Variants in RNF17 observed in about 807,000 individuals in gnomAD.
RNF17 encodes the protein spermatogenesis associated 23.
In RNF17, 31 loss-of-function variants were observed where a neutral mutation model predicts 200.5. That is an observed-to-expected ratio of 0.15 (90% CI 0.12 to 0.21). The LOEUF (loss-of-function observed/expected upper bound fraction) is 0.21, where lower values mean the gene tolerates loss of function less well. Ranked by LOEUF, RNF17 falls within the 10% of genes least tolerant of loss-of-function variation. RNF17 has a pLI of 1.00. For synonymous variants in RNF17, 606 were observed against 637.8 expected, an observed-to-expected ratio of 0.95 and a Z score of 0.75; for missense variants, 1,628 against 1,905.1, an observed-to-expected ratio of 0.85 and a Z score of 2.71.
intron 2 of RNF17, among the ~76,000 whole-genome samples, chr13:24,768,729 A>G (rs975567980): frequency 6.6e-6 from 1 of 151,910 alleles, no homozygotes; most frequent in African/African-American, 2.4e-5. Flanking sequence ...GGGTTTCCTC[A>G]TTTGTGAGAT....
At chr13:24,754,583 C>T in the RNF17 span, among the ~76,000 whole-genome samples, 3 of 152,126 alleles carry the variant, frequency 2.0e-5, no homozygotes, top group African/African-American at 7.2e-5. Flanking sequence ...TTCCTACCCA[C>T]GAATGTATTA....
chr13:24,884,393 G>A, downstream of RNF17: 1 of 1,613,932 alleles, frequency 6.2e-7, no homozygotes, highest in Non-Finnish European at 8.5e-7. Context: ...CTTCCCATCT[G>A]CACTCACTTC....
intron 2 of RNF17, among the ~76,000 whole-genome samples, chr13:24,770,733 A>G (rs541839979): frequency 3.1e-4 from 47 of 152,346 alleles, no homozygotes; most frequent in Admixed American, 2.2e-3. Flanking sequence ...ATGGGAGACT[A>G]TAACAATTAG....
the RNF17 span, among the ~76,000 whole-genome samples, chr13:24,758,871 TC>T: frequency 9.2e-5 from 14 of 151,870 alleles, no homozygotes; most frequent in South Asian, 2.1e-4. Flanking sequence ...GGTCAGGAGA[TC>T]CAAGACCATC....
At chr13:24,825,842 C>T (rs1888568208) in intron 16 of RNF17, 70 bp downstream of exon 16, 2 of 1,488,454 alleles carry the variant, frequency 1.3e-6, no homozygotes, top group South Asian at 1.3e-5. Context: ...GAGTTGGTAC[C>T]AATTCAATCT....
At chr13:24,765,052 GT>G (rs1879445780) in intron 1 of RNF17, among the ~76,000 whole-genome samples, 1 of 152,138 alleles carries the variant, frequency 6.6e-6, no homozygotes, top group Admixed American at 6.5e-5. Flanking sequence ...GTCTCGCTCT[GT>G]AGCCCAGGCT....
chr13:24,866,327 T>G, intron 30 of RNF17, 124 bp downstream of exon 30: 1 of 562,424 alleles, frequency 1.8e-6, no homozygotes, highest in Non-Finnish European at 3.2e-6. Context: ...ATTTACCTAT[T>G]GAATATACAG....
At chr13:24,881,104 C>G (rs988638963), downstream of RNF17, among the ~76,000 whole-genome samples, 36 of 151,964 alleles carry the variant, frequency 2.4e-4, no homozygotes, top group Non-Finnish European at 8.8e-5. Context: ...TTGCCTTTCC[C>G]CTGTTTTGTA....
intron 14 of RNF17, among the ~76,000 whole-genome samples, chr13:24,803,257 A>T (rs1300701770): frequency 2.0e-5 from 3 of 152,182 alleles, no homozygotes; most frequent in Non-Finnish European, 4.4e-5. Flanking sequence ...TATTCAATGT[A>T]TGAATCTAGA....
At chr13:24,824,662 C>T (rs1888436273) in intron 15 of RNF17, among the ~76,000 whole-genome samples, 2 of 152,166 alleles carry the variant, frequency 1.3e-5, no homozygotes, top group African/African-American at 2.4e-5. Flanking sequence ...TTCCACAAAC[C>T]TTACTGAATC....
intron 3 of RNF17, 112 bp from the exon 4 acceptor site, chr13:24,778,183 G>A: frequency 3.0e-6 from 2 of 660,678 alleles, no homozygotes; most frequent in Non-Finnish European, 5.3e-6. Context: ...GATCGCTGGA[G>A]CCTGGGAAGT....
chr13:24,805,765 G>A (rs184905488), intron 15 of RNF17, among the ~76,000 whole-genome samples: 135 of 152,210 alleles, frequency 8.9e-4, no homozygotes, highest in African/African-American at 3.0e-3. Context: ...TTAACTTTTT[G>A]GGGGAACTGC....
At chr13:24,805,167 G>A (rs117565647) in intron 15 of RNF17, among the ~76,000 whole-genome samples, 9,169 of 152,130 alleles carry the variant, frequency 0.06, 409 homozygotes, top group East Asian at 0.16. Flanking sequence ...TAGGATTTGC[G>A]TTTATTTCTT....
At chr13:24,852,802 C>T (rs953858890) in intron 24 of RNF17, among the ~76,000 whole-genome samples, 5 of 152,212 alleles carry the variant, frequency 3.3e-5, no homozygotes, top group South Asian at 2.1e-4. Context: ...ATGTTCTTTA[C>T]TGCTTTTACA....
At position 24,866,197 on chromosome 13, in the gene RNF17, G is replaced by A; in HGVS notation, c.4155G>A (p.Arg1385=). The change falls in exon 30 of 36, where the codon AGG becomes AGA. Residue 1385 remains arginine, a synonymous_variant. Coordinates refer to ENST00000255324, the MANE Select transcript of RNF17 (RefSeq NM_031277.3). ...KKYEEEQWEI[R]FEELLSAETD... ...ATGAAGAGGAACAATGGGAAATAAGGTTTGAGGTAAGTAACAATCCAAGTA... is the reference window on the plus strand; with the variant it reads ...ATGAAGAGGAACAATGGGAAATAAGATTTGAGGTAAGTAACAATCCAAGTA... The A allele has an allele frequency of 6.5e-7, 1 of 1,546,534 alleles. No individual in the cohort carries two copies. Among genetic ancestry groups the A allele is most frequent in the Non-Finnish European group, 8.9e-7 (1 of 1,122,198 alleles).
chr13:24,825,566 C>A, intron 15 of RNF17, 53 bp from the exon 16 acceptor site: 1 of 1,231,772 alleles, frequency 8.1e-7, no homozygotes, highest in Non-Finnish European at 1.1e-6. Flanking sequence ...TCATTCAACA[C>A]TTACATTTTA....
chr13:24,882,824 G>A (rs745708528), downstream of RNF17: 8 of 295,698 alleles, frequency 2.7e-5, no homozygotes, highest in Admixed American at 9.4e-5. Context: ...AGTGCTCTAC[G>A]GCTGATGTGT....
At chr13:24,801,452 G>A (rs2137731189) in intron 13 of RNF17, among the ~76,000 whole-genome samples, 1 of 152,228 alleles carries the variant, frequency 6.6e-6, no homozygotes, top group East Asian at 1.9e-4. Flanking sequence ...AGACCAGCCT[G>A]GGCAACATGG....
rs1424970423 is a variant in RNF17 at position 24,825,625 on chromosome 13, G to A, written c.2098G>A (p.Gly700Ser). Reference protein sequence around the residue: ...PGDFYLQLIEGLDILFLLKTI... With the variant: ...PGDFYLQLIESLDILFLLKTI... ...TTATCCCTTTATTTACTAGATAGAG[G>A]GCCTGGATATTTTATTTCTATTAAA... Residue 700 changes from glycine (G) to serine (S), a missense_variant, in exon 16 of 36, where the codon GGC (glycine) becomes AGC (serine). Transcript: ENST00000255324. 2 of 1,588,106 alleles carry A rather than the reference G, an allele frequency of 1.3e-6. No homozygotes were observed. The highest frequency in any genetic ancestry group is 1.7e-6 in the Non-Finnish European group (2 of 1,157,576).
Sources: gnomAD v4.1 joint callset for allele counts (sites outside exome capture counted in the v4.1 genomes callset) on GRCh38, gnomAD v4.1.1 for gene constraint, MANE v1.5 for transcripts, NCBI Gene and HGNC (gene_info 2026-07-23, HGNC 2026-07-21) for gene names.